RIMS1: variants seen among roughly 807,000 people sequenced by gnomAD.
RIMS1 encodes the protein regulating synaptic membrane exocytosis protein 1.
In RIMS1, 83 loss-of-function variants were observed where a neutral mutation model predicts 214.1. That is an observed-to-expected ratio of 0.39 (90% CI 0.32 to 0.47). RIMS1 has a LOEUF of 0.47. Among genes scored for constraint, RIMS1 ranks in the 20% least tolerant of loss-of-function variants. The pLI is 0.99. For missense variants in RIMS1, 2,050 were observed against 2,161.8 expected, an observed-to-expected ratio of 0.95 and a Z score of 1.03; for synonymous variants, 793 against 786.8, an observed-to-expected ratio of 1.01 and a Z score of -0.13.
At chr6:72,155,010 C>T (rs1464888972) in intron 4 of RIMS1, among the ~76,000 whole-genome samples, 1 of 139,878 alleles carries the variant, frequency 7.1e-6, no homozygotes, top group Non-Finnish European at 1.6e-5. Context: ...CAATGAACTC[C>T]TCTCATGTTG....
chr6:71,887,075 C>G lies in RIMS1; in HGVS notation c.52C>G (p.Pro18Ala). ...RGPRPPTVPP[P>A]MQELPDLSHL... ...TCCTCGCCCACCCACGGTGCCTCCC[C>G]CCATGCAAGAGCTGCCCGACCTGAG... Residue 18 changes from proline (P) to alanine (A), a missense_variant, in exon 1 of 34, where the codon CCC (proline) becomes GCC (alanine). This residue lies in a region of RIMS1 where 882 missense variants were observed against 828.9 expected (regional missense o/e 1.06). Transcript: ENST00000521978. 3.7e-6 allele frequency: 6 copies of G among 1,613,646 alleles called. No homozygotes were observed. The South Asian group carries it at 6.6e-5, about 18-fold the overall frequency.
At chr6:72,222,130 A>C (rs748717658) in intron 6 of RIMS1, among the ~76,000 whole-genome samples, 2 of 152,068 alleles carry the variant, frequency 1.3e-5, no homozygotes, top group Non-Finnish European at 2.9e-5. Context: ...TTAATTTTTT[A>C]TAAATGTAAT....
rs1367716379 is a variant in RIMS1 at position 72,333,545 on chromosome 6, G to A, written c.4131-55G>A. ...AAAATAAATTAGATTTAGAATTTCA[G>A]TGATGCTGACCTGTAATTTATGGAT... On this transcript the variant is annotated intron_variant, in intron 28 of 33. Transcript: ENST00000521978. 5 of 1,308,460 alleles carry A rather than the reference G, an allele frequency of 3.8e-6. No homozygotes were observed. In the East Asian group the frequency reaches 1.0e-4, roughly 27 times the overall value. 81.1% of individuals were successfully genotyped at this position (1,308,460 alleles called of 1,614,324 possible).
At chr6:72,026,457 C>T (rs555588511) in intron 2 of RIMS1, among the ~76,000 whole-genome samples, 1 of 45,764 alleles carries the variant, frequency 2.2e-5, no homozygotes, top group African/African-American at 5.6e-5. Context: ...CCAGCACCGC[C>T]CCCCCCCCCA....
chr6:72,369,082 T>C (rs982543135), intron 29 of RIMS1, among the ~76,000 whole-genome samples: 1 of 149,712 alleles, frequency 6.7e-6, no homozygotes, highest in Admixed American at 6.7e-5. Flanking sequence ...GAATCTAGTA[T>C]GGGAGCACAG....
chr6:72,017,270 C>T (rs1232338922), intron 2 of RIMS1, among the ~76,000 whole-genome samples: 2 of 152,160 alleles, frequency 1.3e-5, no homozygotes, highest in Non-Finnish European at 2.9e-5. Context: ...AATGGGAGCA[C>T]ATTAAGGCTG....
intron 1 of RIMS1, among the ~76,000 whole-genome samples, chr6:71,967,341 T>C (rs1794735102): frequency 6.6e-6 from 1 of 151,896 alleles, no homozygotes; most frequent in South Asian, 2.1e-4. Context: ...TGAGTAGAGA[T>C]TGCACCACTG....
chr6:72,065,988 A>C lies in RIMS1; in HGVS notation c.246-30961A>C, dbSNP rs191235795. On this transcript the variant is annotated intron_variant, in intron 2 of 33. Transcript: ENST00000521978. Reference sequence around the variant, plus strand: ...CAACTGAATTTATATTGTTTTGGGAATACTCCAAGATTAAGTACAGGAACA... The same window carrying C: ...CAACTGAATTTATATTGTTTTGGGACTACTCCAAGATTAAGTACAGGAACA... Among the ~76,000 whole-genome samples the C allele has an allele frequency of 1.4e-3, 213 of 152,040 alleles. 1 individual carries two copies. The highest frequency in any genetic ancestry group is 4.9e-3 in the African/African-American group (203 of 41,480).
chr6:72,167,302 A>G lies in RIMS1; in HGVS notation c.472-12273A>G, dbSNP rs115561032. Among the ~76,000 whole-genome samples the G allele has an allele frequency of 3.0e-3, 453 of 152,098 alleles. 1 individual carries two copies. Among genetic ancestry groups the G allele is most frequent in the African/African-American group, 0.01 (434 of 41,544 alleles). ...TAATAATGTTTTTATATGGTTATATAGTACTGTATTAAGTTTGGTAGTTTT... is the reference window on the plus strand; with the variant it reads ...TAATAATGTTTTTATATGGTTATATGGTACTGTATTAAGTTTGGTAGTTTT... On this transcript the variant is annotated intron_variant, in intron 4 of 33. Coordinates refer to ENST00000521978, the MANE Select transcript of RIMS1 (RefSeq NM_014989.7).
chr6:72,011,640 AC>A (rs1810648199), intron 2 of RIMS1, among the ~76,000 whole-genome samples: 2 of 152,208 alleles, frequency 1.3e-5, no homozygotes, highest in African/African-American at 4.8e-5. Flanking sequence ...CAAGAAAAAA[AC>A]AAACAACCCC....
At chr6:72,344,225 C>T (rs1234833503) in intron 29 of RIMS1, among the ~76,000 whole-genome samples, 3 of 151,734 alleles carry the variant, frequency 2.0e-5, no homozygotes, top group African/African-American at 4.8e-5. Flanking sequence ...GACATTTGCC[C>T]TAGGACTTAT....
chr6:72,002,506 C>T (rs978030297), intron 2 of RIMS1, among the ~76,000 whole-genome samples: 3 of 152,110 alleles, frequency 2.0e-5, no homozygotes, highest in Non-Finnish European at 4.4e-5. Context: ...ACCAAAGATG[C>T]ATGGGGTAGG....
chr6:72,118,786 A>C (rs1182792077), intron 4 of RIMS1, among the ~76,000 whole-genome samples: 3 of 151,702 alleles, frequency 2.0e-5, no homozygotes, highest in African/African-American at 7.2e-5. Context: ...CTTTACGATA[A>C]AAATCCTCAA....
intron 6 of RIMS1, among the ~76,000 whole-genome samples, chr6:72,196,059 G>A (rs543018454): frequency 6.6e-6 from 1 of 152,090 alleles, no homozygotes; most frequent in Admixed American, 6.6e-5. Context: ...TGGATCATGG[G>A]GATTACAATT....
At chr6:72,312,736 G>C (rs1186863571) in intron 27 of RIMS1, among the ~76,000 whole-genome samples, 1 of 152,068 alleles carries the variant, frequency 6.6e-6, no homozygotes, top group African/African-American at 2.4e-5. Flanking sequence ...CTGCCTCTTT[G>C]CTCAGTTTAT....
At chr6:71,919,362 C>T (rs1467569103) in intron 1 of RIMS1, among the ~76,000 whole-genome samples, 6 of 151,654 alleles carry the variant, frequency 4.0e-5, no homozygotes, top group Non-Finnish European at 8.8e-5. Context: ...CGTGGCTAAC[C>T]TGGGAGAGCA....
intron 4 of RIMS1, among the ~76,000 whole-genome samples, chr6:72,119,389 C>G (rs2037751170): frequency 6.6e-6 from 1 of 151,698 alleles, no homozygotes; most frequent in Admixed American, 6.6e-5. Context: ...CAATAATACC[C>G]AAAGCAATCT....
intron 1 of RIMS1, among the ~76,000 whole-genome samples, chr6:71,934,201 C>G (rs564618827): frequency 6.6e-6 from 1 of 152,180 alleles, no homozygotes; most frequent in Admixed American, 6.5e-5. Flanking sequence ...CCCAACATTA[C>G]CTCTGGTATT....
intron 1 of RIMS1, among the ~76,000 whole-genome samples, chr6:71,939,746 T>C (rs1785479935): frequency 6.6e-6 from 1 of 152,212 alleles, no homozygotes; most frequent in Non-Finnish European, 1.5e-5. Context: ...TTTCATGACC[T>C]AATAACCGCT....
Sources: allele counts gnomAD v4.1 joint callset (sites outside exome capture counted in the v4.1 genomes callset), GRCh38; gene constraint gnomAD v4.1.1; regional missense constraint gnomAD v4.1.1; transcripts MANE v1.5; gene names NCBI Gene and HGNC (gene_info 2026-07-23, HGNC 2026-07-21).